TGFA: variants seen among roughly 807,000 people sequenced by gnomAD.
The protein encoded by TGFA is protransforming growth factor alpha.
Under a neutral mutation model 21.7 loss-of-function variants are expected in TGFA, and 12 were observed. That is an observed-to-expected ratio of 0.55 (90% CI 0.35 to 0.90). The LOEUF is 0.90. Ranked by LOEUF, TGFA falls within the 40% of genes least tolerant of loss-of-function variation. The pLI is 0.01. For synonymous variants in TGFA, 79 were observed against 88.1 expected (o/e 0.90, Z 0.58); for missense variants, 178 against 210.8 (o/e 0.84, Z 0.96).
chr2:70,501,648 G>T (rs1671741512), intron 2 of TGFA, among the ~76,000 whole-genome samples: 1 of 151,976 alleles, frequency 6.6e-6, no homozygotes, highest in Non-Finnish European at 1.5e-5. Context: ...TCCCCCAGAT[G>T]GTAAAGAATT....
intron 2 of TGFA, among the ~76,000 whole-genome samples, chr2:70,491,709 C>T (rs782764849): frequency 6.6e-6 from 1 of 152,182 alleles, no homozygotes; most frequent in Non-Finnish European, 1.5e-5. Flanking sequence ...CTTTGAAGGG[C>T]TCTTCCTTTA....
At chr2:70,466,129 T>C (rs1304960502) in intron 2 of TGFA, among the ~76,000 whole-genome samples, 1 of 152,224 alleles carries the variant, frequency 6.6e-6, no homozygotes, top group African/African-American at 2.4e-5. Flanking sequence ...CAAAAGAATA[T>C]TCTGTAACCA....
intron 3 of TGFA, among the ~76,000 whole-genome samples, chr2:70,462,812 G>T (rs1670442763): frequency 6.6e-6 from 1 of 152,122 alleles, no homozygotes; most frequent in African/African-American, 2.4e-5. Flanking sequence ...TGCTTGCATG[G>T]CCGTGCCTCC....
chr2:70,503,692 TAC>T (rs1364718546), intron 2 of TGFA, among the ~76,000 whole-genome samples: 1 of 152,128 alleles, frequency 6.6e-6, no homozygotes, highest in East Asian at 1.9e-4. Flanking sequence ...ATCAAATACT[TAC>T]AGTTTTTATT....
chr2:70,456,133 T>G (rs1252506727), intron 4 of TGFA, among the ~76,000 whole-genome samples: 1 of 152,196 alleles, frequency 6.6e-6, no homozygotes. Context: ...CAGCTGGGGA[T>G]CCGCCCAGGA....
intron 2 of TGFA, among the ~76,000 whole-genome samples, chr2:70,483,954 C>G (rs569254932): frequency 1.3e-5 from 2 of 152,312 alleles, no homozygotes; most frequent in African/African-American, 4.8e-5. Context: ...CTCCCCTTTA[C>G]TTTCTCATGA....
chr2:70,528,558 AG>A (rs1553503249), intron 1 of TGFA, among the ~76,000 whole-genome samples: 1 of 152,154 alleles, frequency 6.6e-6, no homozygotes, highest in African/African-American at 2.4e-5. Flanking sequence ...TCTAGTAGAA[AG>A]GTTGACAGGC....
intron 1 of TGFA, among the ~76,000 whole-genome samples, chr2:70,541,104 C>T (rs1438556675): frequency 1.3e-5 from 2 of 152,190 alleles, no homozygotes; most frequent in Non-Finnish European, 2.9e-5. Context: ...ATCAATTTCT[C>T]ATGATTCATC....
chr2:70,450,893 CA>C, intron 5 of TGFA, 27 bp from the exon 6 acceptor site: 1 of 1,602,910 alleles, frequency 6.2e-7, no homozygotes, highest in Non-Finnish European at 8.5e-7. Flanking sequence ...ACAGGTTAAG[CA>C]CTGTGGGCCA....
At chr2:70,520,096 T>G (rs1449951825) in intron 1 of TGFA, among the ~76,000 whole-genome samples, 1 of 152,234 alleles carries the variant, frequency 6.6e-6, no homozygotes, top group Non-Finnish European at 1.5e-5. Context: ...GAGCACCCAC[T>G]GAACACAGCA....
chr2:70,547,337 G>C (rs1472323744), intron 1 of TGFA, among the ~76,000 whole-genome samples: 1 of 152,108 alleles, frequency 6.6e-6, no homozygotes, highest in Non-Finnish European at 1.5e-5. Flanking sequence ...GCTCATGCCT[G>C]TAATCCAGCA....
At chr2:70,495,674 C>T (rs1553498240) in intron 2 of TGFA, among the ~76,000 whole-genome samples, 2 of 152,074 alleles carry the variant, frequency 1.3e-5, no homozygotes, top group African/African-American at 2.4e-5. Flanking sequence ...GTGATTCTCT[C>T]CAGTATATTT....
At chr2:70,550,285 T>A (rs2103959125) in intron 1 of TGFA, among the ~76,000 whole-genome samples, 1 of 152,308 alleles carries the variant, frequency 6.6e-6, no homozygotes, top group Non-Finnish European at 1.5e-5. Flanking sequence ...CTTATTTTTT[T>A]TTATAAATAG....
chr2:70,484,149 C>T, intron 2 of TGFA, among the ~76,000 whole-genome samples: 1 of 152,204 alleles, frequency 6.6e-6, no homozygotes, highest in South Asian at 2.1e-4. Context: ...TAGATATCAA[C>T]CTGTTATCCT....
intron 1 of TGFA, among the ~76,000 whole-genome samples, chr2:70,521,202 G>C (rs731461): frequency 6.6e-6 from 1 of 151,922 alleles, no homozygotes; most frequent in Admixed American, 6.6e-5. Context: ...AGAACCCAGC[G>C]CAGAGACAGA....
chr2:70,547,662 G>C lies in TGFA; in HGVS notation c.40+6066C>G, dbSNP rs72912121. ...AATTCATATATGCTTTTAAAGAATA[G>C]ATACTTACACTATCTATATAATAGT... On this transcript the variant is annotated intron_variant, in intron 1 of 5. Transcript: ENST00000295400. 9.3e-3 allele frequency among the ~76,000 whole-genome samples: 1,386 copies of C among 148,288 alleles called. 22 individuals carry two copies. Among genetic ancestry groups the C allele is most frequent in the African/African-American group, 0.032 (1,308 of 40,698 alleles).
Position 70,499,235 on chromosome 2 carries a change from C to T in TGFA, c.94+15624G>A, listed in dbSNP as rs375690154. Among the ~76,000 whole-genome samples, 20 of 152,316 alleles carry T rather than the reference C, an allele frequency of 1.3e-4. No homozygotes were observed. In the South Asian group the frequency reaches 1.7e-3, roughly 13 times the overall value. On this transcript the variant is annotated intron_variant, in intron 2 of 5. Coordinates refer to ENST00000295400, the MANE Select transcript of TGFA (RefSeq NM_003236.4). ...ATTTCTAGGTATATAGAGGCCTTCCCGGTCTCCTTGGAGCTAGGTATGGCC... is the reference window on the plus strand; with the variant it reads ...ATTTCTAGGTATATAGAGGCCTTCCTGGTCTCCTTGGAGCTAGGTATGGCC...
At chr2:70,527,321 G>A (rs1156626462) in intron 1 of TGFA, among the ~76,000 whole-genome samples, 2 of 152,184 alleles carry the variant, frequency 1.3e-5, no homozygotes, top group Non-Finnish European at 2.9e-5. Flanking sequence ...ACATATTACT[G>A]CATGAAAGAC....
At chr2:70,536,462 C>T (rs927754477) in intron 1 of TGFA, among the ~76,000 whole-genome samples, 3 of 152,096 alleles carry the variant, frequency 2.0e-5, no homozygotes, top group Non-Finnish European at 2.9e-5. Context: ...TAAAATATAC[C>T]TTAACACATT....
Sources: gnomAD v4.1 joint callset for allele counts (sites outside exome capture counted in the v4.1 genomes callset) on GRCh38, gnomAD v4.1.1 for gene constraint, MANE v1.5 for transcripts, NCBI Gene and HGNC (gene_info 2026-07-23, HGNC 2026-07-21) for gene names.